The following SLC5A10 variants were observed in gnomAD, a reference collection of about 807,000 sequenced individuals.
SLC5A10 encodes sodium/mannose cotransporter SLC5A10.
In SLC5A10, 55 loss-of-function variants were observed where a neutral mutation model predicts 68.9. That is an observed-to-expected ratio of 0.80 (90% confidence interval 0.64 to 1.00). SLC5A10 has a LOEUF of 1.00. Ranked by LOEUF, SLC5A10 falls within the 50% of genes least tolerant of loss-of-function variation. SLC5A10 has a pLI of 0.00. For synonymous variants in SLC5A10, 344 were observed against 344.8 expected (o/e 1.00, Z 0.02); for missense variants, 732 against 819.3 (o/e 0.89, Z 1.30).
Position 19,004,116 on chromosome 17 carries a change from C to A in SLC5A10, c.983-9294C>A. On this transcript the variant is annotated intron_variant, in intron 9 of 14. Coordinates refer to ENST00000395645, the MANE Select transcript of SLC5A10 (RefSeq NM_001042450.4). This position sits in a 1 kb window ranked among gnomAD's most constrained non-coding sequence, Gnocchi z 5.4. ...GCTCCTAGCTCCGGCCCAGCTGGGG[C>A]ACCGCGCGCTCGGGGGCCTCTCCGC... The A allele has an allele frequency of 3.5e-6, 5 of 1,446,792 alleles. No individual in the cohort carries two copies. The highest frequency in any genetic ancestry group is 2.7e-5 in the South Asian group (2 of 73,128). The allele number at this position is 1,446,792 out of a possible 1,614,324, so 89.6% of individuals were successfully genotyped here. A position where few individuals can be genotyped will look rare whatever the true frequency, so the allele number is the denominator to read the frequency against.
At chr17:18,992,841 C>A (rs931871671) in intron 9 of SLC5A10, among the ~76,000 whole-genome samples, 3 of 152,110 alleles carry the variant, frequency 2.0e-5, no homozygotes. Context: ...CATCTCATTG[C>A]GCCCACAGGT....
rs779139657 is a variant in SLC5A10 at position 19,015,054 on chromosome 17, C to CG, written c.1101dup (p.Leu368AlafsTer177). ...CATCCCCCGTCCCACCCCAGGTCTG[C>CG]GGGGGCTGATGATCGCAGTGATGCT... On this transcript the variant is annotated frameshift_variant, in exon 11 of 15. Coordinates refer to ENST00000395645, the MANE Select transcript of SLC5A10 (RefSeq NM_001042450.4). LOFTEE classifies it high-confidence loss of function. The CG allele has an allele frequency of 2.5e-6, 4 of 1,612,968 alleles. No individual in the cohort carries two copies. In the Admixed American group the frequency reaches 5.0e-5, roughly 20 times the overall value.
At chr17:19,013,256 C>T (rs1362082169) in intron 9 of SLC5A10, 154 bp from the exon 10 acceptor site, 1 of 1,230,582 alleles carries the variant, frequency 8.1e-7, no homozygotes, top group Non-Finnish European at 1.1e-6. Flanking sequence ...CCCTGTGGCT[C>T]AGATTGTGAA....
chr17:19,008,540 C>A (rs1366184339), intron 9 of SLC5A10, among the ~76,000 whole-genome samples: 1 of 150,240 alleles, frequency 6.7e-6, no homozygotes. Flanking sequence ...TGCACTGTTG[C>A]CCAGGCTGGC....
At chr17:19,013,132 G>A (rs1443393248) in intron 9 of SLC5A10, among the ~76,000 whole-genome samples, 4 of 152,218 alleles carry the variant, frequency 2.6e-5, no homozygotes, top group African/African-American at 9.6e-5. Context: ...CTCTAATGGC[G>A]GACCTCACAC....
intron 9 of SLC5A10, chr17:18,978,515 T>A: frequency 6.2e-7 from 1 of 1,613,316 alleles, no homozygotes; most frequent in Non-Finnish European, 8.5e-7. Context: ...TTCCCCTGGA[T>A]GCTCAGCCAG....
chr17:18,981,493 G>A (rs2043131532), intron 9 of SLC5A10, among the ~76,000 whole-genome samples: 1 of 152,170 alleles, frequency 6.6e-6, no homozygotes, highest in Non-Finnish European at 1.5e-5. Context: ...GCTGGCATCA[G>A]GCAGTGGGTG....
intron 1 of SLC5A10, 54 bp downstream of exon 1, chr17:18,952,370 G>T: frequency 1.3e-6 from 2 of 1,568,616 alleles, no homozygotes; most frequent in East Asian, 2.4e-5. Context: ...TTGGTGCTTG[G>T]GGTGGGAACC....
At chr17:18,982,181 C>CG (rs2043155417) in intron 9 of SLC5A10, among the ~76,000 whole-genome samples, 2 of 152,232 alleles carry the variant, frequency 1.3e-5, no homozygotes, top group Admixed American at 1.3e-4. Flanking sequence ...AAGCAAGTCC[C>CG]GGGCCCTTGC....
chr17:18,955,944 C>T (rs2042489688), intron 1 of SLC5A10, among the ~76,000 whole-genome samples: 1 of 152,164 alleles, frequency 6.6e-6, no homozygotes, highest in African/African-American at 2.4e-5. Flanking sequence ...CCTGTAATCC[C>T]AGCACTTTGG....
intron 14 of SLC5A10, 36 bp downstream of exon 14, chr17:19,020,248 C>T (rs747348371): frequency 1.2e-6 from 2 of 1,613,632 alleles, no homozygotes; most frequent in African/African-American, 1.3e-5. Context: ...TCCACCTTGA[C>T]CCTGGCCTGG....
Position 19,003,598 on chromosome 17 carries a change from G to C in SLC5A10, c.983-9812G>C, listed in dbSNP as rs773807575. 5.0e-6 allele frequency: 8 copies of C among 1,610,074 alleles called. No homozygotes were observed. The highest frequency in any genetic ancestry group is 5.1e-6 in the Non-Finnish European group (6 of 1,178,354). ...CGTCTATGGGGGGCTGCATGTAGAC[G>C]CTAGCCCGGGTCACGCCGCGGTAGG... On this transcript the variant is annotated intron_variant, in intron 9 of 14. Coordinates refer to ENST00000395645, the MANE Select transcript of SLC5A10 (RefSeq NM_001042450.4). This position sits in a 1 kb window ranked among gnomAD's most constrained non-coding sequence, Gnocchi z 4.5.
chr17:19,020,753 A>G lies in SLC5A10; in HGVS notation c.*322A>G. 1 of 358,838 alleles carries G rather than the reference A, an allele frequency of 2.8e-6. No homozygotes were observed. Among genetic ancestry groups the G allele is most frequent in the Non-Finnish European group, 5.3e-6 (1 of 188,698 alleles). 22.2% of individuals were successfully genotyped at this position (358,838 alleles called of 1,614,324 possible). A position where few individuals can be genotyped will look rare whatever the true frequency, so the allele number is the denominator to read the frequency against. On this transcript the variant is annotated 3_prime_UTR_variant, in exon 15 of 15. Coordinates refer to ENST00000395645, the MANE Select transcript of SLC5A10 (RefSeq NM_001042450.4). ...TGGGTCAGGAGCAGTGAGATTTGCC[A>G]GCACTCAGGGTTCTAAGGGTCTTGG...
chr17:18,993,072 G>A (rs983969739), intron 9 of SLC5A10, among the ~76,000 whole-genome samples: 13 of 152,306 alleles, frequency 8.5e-5, no homozygotes, highest in African/African-American at 2.4e-4. Flanking sequence ...GGGGCGAGAC[G>A]GGCTGGCCTG....
rs559717691 is a variant in SLC5A10 at position 19,017,743 on chromosome 17, G to C, written c.1242-1680G>C. ...GGAAACCCTGTGCAGGACTCGGAGA[G>C]ATCTCAGACACCCCTCCTTGAGATG... is the stretch of plus-strand genomic sequence containing the variant. On this transcript the variant is annotated intron_variant, in intron 11 of 14. Transcript: ENST00000395645. This position sits in a 1 kb window ranked among gnomAD's most constrained non-coding sequence, Gnocchi z 5.6. 4.3e-6 allele frequency: 1 copy of C among 231,396 alleles called. No homozygotes were observed. The highest frequency in any genetic ancestry group is 2.3e-5 in the African/African-American group (1 of 43,976). The allele number at this position is 231,396 out of a possible 1,614,324, so 14.3% of individuals were successfully genotyped here. A position where few individuals can be genotyped will look rare whatever the true frequency, so the allele number is the denominator to read the frequency against.
At position 19,022,249 on chromosome 17, in the gene SLC5A10, C is replaced by T; in HGVS notation, c.*1818C>T. 1 of 597,024 alleles carries T rather than the reference C, an allele frequency of 1.7e-6. No individual in the cohort carries two copies. Among genetic ancestry groups the T allele is most frequent in the Non-Finnish European group, 2.8e-6 (1 of 353,450 alleles). The allele number at this position is 597,024 out of a possible 1,614,324, so 37.0% of individuals were successfully genotyped here. Reference sequence around the variant, plus strand: ...TGATTTGCCACAGGTGAGGAGGGGTCTCGGGCAGCACCGGAGTTGAACTTT... The same window carrying T: ...TGATTTGCCACAGGTGAGGAGGGGTTTCGGGCAGCACCGGAGTTGAACTTT... On this transcript the variant is annotated 3_prime_UTR_variant, in exon 15 of 15. Transcript: ENST00000395645.
In SLC5A10 at chr17:18,992,782, C is replaced by T. The variant is rs1367297363; in HGVS notation, c.982+15793C>T. Among the ~76,000 whole-genome samples, 4 of 152,206 alleles carry T rather than the reference C, an allele frequency of 2.6e-5. No individual in the cohort carries two copies. The East Asian group carries it at 5.8e-4, about 22-fold the overall frequency. ...TGATGTCCCTGCCGAGGGACCCCAA[C>T]TCCTGTTCCCTGCCTGGTGCCGGGC... is the stretch of plus-strand genomic sequence containing the variant. On this transcript the variant is annotated intron_variant, in intron 9 of 14. Transcript: ENST00000395645.
chr17:18,979,956 A>G (rs2043087229), intron 9 of SLC5A10, among the ~76,000 whole-genome samples: 2 of 152,232 alleles, frequency 1.3e-5, no homozygotes, highest in Admixed American at 1.3e-4. Context: ...TCTGAAGAGC[A>G]GCATCAGGCA....
At chr17:18,956,862 T>C (rs1197411485) in intron 1 of SLC5A10, among the ~76,000 whole-genome samples, 1 of 152,102 alleles carries the variant, frequency 6.6e-6, no homozygotes, top group Admixed American at 6.6e-5. Context: ...CTCAGCATGC[T>C]ACGTGTACTA....
Sources: allele counts gnomAD v4.1 joint callset (sites outside exome capture counted in the v4.1 genomes callset), GRCh38; gene constraint gnomAD v4.1.1; non-coding constraint Gnocchi (gnomAD v3.1); transcripts MANE v1.5; gene names NCBI Gene and HGNC (gene_info 2026-07-23, HGNC 2026-07-21).